ITGA6: variants seen among roughly 807,000 people sequenced by gnomAD.
The protein encoded by ITGA6 is integrin subunit alpha 6, also known as integrin alpha-6.
ITGA6 carries 63 observed loss-of-function variants against 133.6 expected under a neutral mutation model. The ratio of observed to expected loss-of-function variants is 0.47; its 90% CI spans 0.38 to 0.58. The LOEUF is 0.58. Among genes scored for constraint, ITGA6 ranks in the 20% least tolerant of loss-of-function variants. The pLI is 0.00. For missense variants in ITGA6, 1,068 were observed against 1,309.4 expected (o/e 0.82, Z 2.85); for synonymous variants, 434 against 482.0 (o/e 0.90, Z 1.30).
intron 5 of ITGA6, chr2:172,472,973 C>G (rs1574375208): frequency 1.2e-6 from 1 of 807,548 alleles, no homozygotes; most frequent in Non-Finnish European, 2.2e-6. Context: ...GAGCATAAAT[C>G]TTTTTATGCC....
chr2:172,493,234 G>A (rs1266553091), intron 23 of ITGA6, among the ~76,000 whole-genome samples: 2 of 152,052 alleles, frequency 1.3e-5, no homozygotes. Context: ...TGAGACAAAT[G>A]CTGTACTGGG....
intron 1 of ITGA6, among the ~76,000 whole-genome samples, chr2:172,462,796 C>T (rs571226644): frequency 6.6e-6 from 1 of 152,326 alleles, no homozygotes; most frequent in African/African-American, 2.4e-5. Context: ...ACACAGCAGG[C>T]TACAGAAGCC....
intron 1 of ITGA6, among the ~76,000 whole-genome samples, chr2:172,449,261 T>C (rs1012146311): frequency 6.6e-6 from 1 of 152,228 alleles, no homozygotes; most frequent in African/African-American, 2.4e-5. Flanking sequence ...ACCCCCCAAT[T>C]GCTGAGATAT....
Position 172,441,558 on chromosome 2 carries a change from TTAAAAA to T in ITGA6, c.182+13589_182+13594del, listed in dbSNP as rs1363265401. On this transcript the variant is annotated intron_variant, in intron 1 of 25. Coordinates refer to ENST00000684293, the MANE Select transcript of ITGA6 (RefSeq NM_000210.4). ...GTAACAGAGTGGAGACGCTGTCTCT[TTAAAAA>T]AAAAAAAAAAAAAAAAAAAAAAAAA... Among the ~76,000 whole-genome samples, 145 of 64,846 alleles carry T rather than the reference TTAAAAA, an allele frequency of 2.2e-3. 14 individuals are homozygous for T. Among genetic ancestry groups the T allele is most frequent in the East Asian group, 0.013 (25 of 1,908 alleles). The allele number at this position is 64,846 out of a possible 152,430, so 42.5% of individuals were successfully genotyped here.
At position 172,484,921 on chromosome 2, in the gene ITGA6, G is replaced by T. The variant is rs1018290650; in HGVS notation, c.1689G>T (p.Met563Ile). 3.1e-6 allele frequency: 5 copies of T among 1,614,166 alleles called. No homozygotes were observed. Among genetic ancestry groups the T allele is most frequent in the Non-Finnish European group, 4.2e-6 (5 of 1,179,986 alleles). Residue 563 changes from methionine to isoleucine, a missense_variant, in exon 12 of 26, where the codon ATG (methionine) becomes ATT (isoleucine). By Grantham distance (10) the Met-to-Ile change is conservative. Coordinates refer to ENST00000684293, the MANE Select transcript of ITGA6 (RefSeq NM_000210.4). ...AGAGGCAGAAACAGAAAGTGTGCAT[G>T]GAGGAAACCCTGTGGCTACAGGTGA... ...TLKRQKQKVC[M>I]EETLWLQDNI...
intron 9 of ITGA6, among the ~76,000 whole-genome samples, chr2:172,478,707 A>G (rs1686289509): frequency 6.6e-6 from 1 of 152,224 alleles, no homozygotes; most frequent in Admixed American, 6.5e-5. Context: ...AGAGATGGGA[A>G]GAAGTTTAAA....
chr2:172,487,977 A>C lies in ITGA6; in HGVS notation c.2341A>C (p.Asn781His). 1 of 1,613,830 alleles carries C rather than the reference A, an allele frequency of 6.2e-7. No homozygotes were observed. Residue 781 changes from asparagine to histidine, a missense_variant, in exon 18 of 26, where the codon AAT becomes CAT. Coordinates refer to ENST00000684293, the MANE Select transcript of ITGA6 (RefSeq NM_000210.4). The stretch of plus-strand genomic sequence containing the variant: ...CATTTTCAGAACAAGCAATCAAGAT[A>C]ATTTGGCTCCAATTACAGCTAAAGC... ...LKLETTSNQDNLAPITAKAKV... is the reference protein window; with the variant it reads ...LKLETTSNQDHLAPITAKAKV...
Position 172,488,024 on chromosome 2 carries a change from T to C in ITGA6, c.2388T>C (p.Leu796=). 1 of 1,613,936 alleles carries C rather than the reference T, an allele frequency of 6.2e-7. No homozygotes were observed. Among genetic ancestry groups the C allele is most frequent in the Non-Finnish European group, 8.5e-7 (1 of 1,179,838 alleles). ...AAGCAAAAGTGGTTATTGAACTGCT[T>C]TTATCGGTCTCGGGGTAAGTGTTTG... is the stretch of plus-strand genomic sequence containing the variant. ...TAKAKVVIEL[L]LSVSGVAKPS... is the part of the protein sequence containing the mutation. Residue 796 remains leucine, a synonymous_variant, in exon 18 of 26, where the codon CTT becomes CTC. Coordinates refer to ENST00000684293, the MANE Select transcript of ITGA6 (RefSeq NM_000210.4).
chr2:172,462,732 A>G (rs1472840262), intron 1 of ITGA6, among the ~76,000 whole-genome samples: 1 of 151,758 alleles, frequency 6.6e-6, no homozygotes, highest in Non-Finnish European at 1.5e-5. Flanking sequence ...AAATGGGACA[A>G]CCTCCACAGC....
At chr2:172,445,473 C>A (rs1178705227) in intron 1 of ITGA6, among the ~76,000 whole-genome samples, 2 of 150,120 alleles carry the variant, frequency 1.3e-5, no homozygotes, top group African/African-American at 4.9e-5. Context: ...CACGGTGAAA[C>A]CCCGTCTCTA....
Position 172,459,501 on chromosome 2 carries a change from CAAAA to C in ITGA6, c.183-6033_183-6030del, listed in dbSNP as rs141683588. 5.6e-3 allele frequency among the ~76,000 whole-genome samples: 842 copies of C among 151,710 alleles called. 26 individuals carry two copies. The East Asian group carries it at 0.083, about 15-fold the overall frequency. ...CCTGGGCAACAGAGAGAGACTGTCT[CAAAA>C]AAAAGAAGTTACCCTTTTGAGAGTC... On this transcript the variant is annotated intron_variant, in intron 1 of 25. Transcript: ENST00000684293.
chr2:172,476,662 CAATGT>C, intron 9 of ITGA6, 149 bp downstream of exon 9: 1 of 651,016 alleles, frequency 1.5e-6, no homozygotes, highest in Non-Finnish European at 2.8e-6. Context: ...AGTTAGTAAA[CAATGT>C]AATAACAACC....
At chr2:172,434,345 CA>C (rs1684229693) in intron 1 of ITGA6, among the ~76,000 whole-genome samples, 1 of 152,152 alleles carries the variant, frequency 6.6e-6, no homozygotes, top group African/African-American at 2.4e-5. Context: ...AGGTCCCTGT[CA>C]ACTAATAACA....
Position 172,487,595 on chromosome 2 carries a change from T to C in ITGA6, c.2209T>C (p.Cys737Arg). 1 of 1,614,200 alleles carries C rather than the reference T, an allele frequency of 6.2e-7. No individual in the cohort carries two copies. The highest frequency in any genetic ancestry group is 8.5e-7 in the Non-Finnish European group (1 of 1,180,010). ...CAACCAGAATGGCTCGCAAGCTGACTGTGAGCTCGGAAATCCTTTTAAAAG... is the reference window on the plus strand; with the variant it reads ...CAACCAGAATGGCTCGCAAGCTGACCGTGAGCTCGGAAATCCTTTTAAAAG... ...VANQNGSQAD[C>R]ELGNPFKRNS... is the part of the protein sequence containing the mutation. Residue 737 changes from cysteine to arginine, a missense_variant, in exon 16 of 26, where the codon TGT (cysteine) becomes CGT (arginine). Physicochemically the swap from Cys to Arg is radical, Grantham distance 180 (BLOSUM62 -3). This residue lies in a region of ITGA6 where 609 missense variants were observed against 707.2 expected (regional missense o/e 0.86). Transcript: ENST00000684293.
rs913311105 is a variant in ITGA6, at chr2:172,487,870, T to C, written c.2324+63T>C. 2.6e-5 allele frequency: 39 copies of C among 1,475,790 alleles called. 1 individual carries two copies. In the Admixed American group the frequency reaches 6.2e-4, roughly 23 times the overall value. The allele number at this position is 1,475,790 out of a possible 1,614,324, so 91.4% of individuals were successfully genotyped here. A position where few individuals can be genotyped will look rare whatever the true frequency, so the allele number is the denominator to read the frequency against. Reference sequence around the variant, plus strand: ...CATGAAAATATGGGCAGTCAATGAATTGGCCCTGATCTACCTCATAAAAGA... The same window carrying C: ...CATGAAAATATGGGCAGTCAATGAACTGGCCCTGATCTACCTCATAAAAGA... On this transcript the variant is annotated intron_variant, in intron 17 of 25. Transcript: ENST00000684293.
chr2:172,475,173 T>C (rs1193361320), intron 7 of ITGA6, 51 bp downstream of exon 7: 5 of 1,212,464 alleles, frequency 4.1e-6, no homozygotes, highest in Non-Finnish European at 6.1e-6. Flanking sequence ...TTTGATTGTT[T>C]AAATAATAGC....
At chr2:172,438,126 G>A (rs1192507382) in intron 1 of ITGA6, among the ~76,000 whole-genome samples, 5 of 151,596 alleles carry the variant, frequency 3.3e-5, no homozygotes, top group African/African-American at 1.2e-4. Context: ...GGGAAATAGT[G>A]GGTTTTTGTT....
intron 1 of ITGA6, among the ~76,000 whole-genome samples, chr2:172,460,020 A>C (rs1685366246): frequency 1.3e-5 from 2 of 152,246 alleles, no homozygotes; most frequent in South Asian, 4.1e-4. Flanking sequence ...AGCAAGAGTC[A>C]TGGTCCAAAT....
intron 1 of ITGA6, among the ~76,000 whole-genome samples, chr2:172,441,449 G>C (rs1325551452): frequency 6.6e-6 from 1 of 151,462 alleles, no homozygotes; most frequent in African/African-American, 2.4e-5. Context: ...CCAGCACTTT[G>C]GAAGGCTGAG....
Sources: allele counts gnomAD v4.1 joint callset (sites outside exome capture counted in the v4.1 genomes callset), GRCh38; gene constraint gnomAD v4.1.1; regional missense constraint gnomAD v4.1.1; transcripts MANE v1.5; gene names NCBI Gene and HGNC (gene_info 2026-07-23, HGNC 2026-07-21).